Variants in SLC7A8 observed in about 807,000 individuals in gnomAD.
SLC7A8 encodes solute carrier family 7 member 8.
SLC7A8 carries 30 observed loss-of-function variants against 51.2 expected under a neutral mutation model. The ratio of observed to expected loss-of-function variants is 0.59; its 90% CI spans 0.44 to 0.80. SLC7A8 has a LOEUF of 0.80. Ranked by LOEUF, SLC7A8 falls within the 30% of genes least tolerant of loss-of-function variation. The pLI, the probability that SLC7A8 is intolerant of heterozygous loss-of-function variation, is 0.00. For synonymous variants in SLC7A8, 257 were observed against 275.8 expected (o/e 0.93, Z 0.67); for missense variants, 612 against 674.4 (o/e 0.91, Z 1.03).
At chr14:23,149,644 T>C (rs1177881364) in intron 3 of SLC7A8, among the ~76,000 whole-genome samples, 2 of 152,196 alleles carry the variant, frequency 1.3e-5, no homozygotes, top group African/African-American at 4.8e-5. Flanking sequence ...CACCGTGTAC[T>C]GTCCTGTGGT....
In SLC7A8 at chr14:23,128,372, A is replaced by T. The variant is rs753613680; in HGVS notation, c.1264-176T>A. The stretch of plus-strand genomic sequence containing the variant: ...CCCCTGGTAGGGCAGGGGCTATATA[A>T]ACAAATGTTGATGAACATGGTCGGT... On this transcript the variant is annotated intron_variant, in intron 9 of 10. Transcript: ENST00000316902. This position sits in a 1 kb window ranked among gnomAD's most constrained non-coding sequence, Gnocchi z 4.3. 1.3e-5 allele frequency: 20 copies of T among 1,530,738 alleles called. No individual in the cohort carries two copies. In the South Asian group the frequency reaches 2.4e-4, roughly 18 times the overall value. The allele number at this position is 1,530,738 out of a possible 1,614,324, so 94.8% of individuals were successfully genotyped here.
At chr14:23,159,934 C>T (rs556096672) in intron 3 of SLC7A8, among the ~76,000 whole-genome samples, 36 of 152,246 alleles carry the variant, frequency 2.4e-4, no homozygotes, top group Non-Finnish European at 4.6e-4. Flanking sequence ...ATTTCTTTCT[C>T]CTGAGGGTGA....
intron 5 of SLC7A8, among the ~76,000 whole-genome samples, chr14:23,140,021 C>A (rs983389519): frequency 6.6e-6 from 1 of 151,898 alleles, no homozygotes; most frequent in African/African-American, 2.4e-5. Flanking sequence ...CAAAACAAAA[C>A]AAAAGAAAAA....
intron 3 of SLC7A8, among the ~76,000 whole-genome samples, chr14:23,158,214 A>G (rs1308370135): frequency 6.6e-6 from 1 of 152,202 alleles, no homozygotes; most frequent in Non-Finnish European, 1.5e-5. Context: ...TTTATATAAC[A>G]TTTCCCAAGA....
intron 3 of SLC7A8, chr14:23,155,034 C>T (rs2048881198): frequency 1.8e-6 from 1 of 555,870 alleles, no homozygotes; most frequent in Non-Finnish European, 2.9e-6. Context: ...AGCAGCCCTT[C>T]CTCATAAACT....
chr14:23,136,713 C>T (rs970172635), intron 7 of SLC7A8, among the ~76,000 whole-genome samples: 1 of 152,214 alleles, frequency 6.6e-6, no homozygotes, highest in Non-Finnish European at 1.5e-5. Flanking sequence ...ACCACATGCA[C>T]GCAGACCGCT....
At position 23,165,243 on chromosome 14, in the gene SLC7A8, T is replaced by G; in HGVS notation, c.508+42A>C. 6.6e-7 allele frequency: 1 copy of G among 1,524,754 alleles called. No individual in the cohort carries two copies. The highest frequency in any genetic ancestry group is 8.8e-7 in the Non-Finnish European group (1 of 1,139,786). 94.5% of individuals were successfully genotyped at this position (1,524,754 alleles called of 1,614,324 possible). Reference sequence around the variant, plus strand: ...CTAAAAATAATAATAATAAATATAATAAAAGAGGCTGTCTTGCTACCAAGA... The same window carrying G: ...CTAAAAATAATAATAATAAATATAAGAAAAGAGGCTGTCTTGCTACCAAGA... On this transcript the variant is annotated intron_variant, in intron 3 of 10. Transcript: ENST00000316902. This position sits in a 1 kb window ranked among gnomAD's most constrained non-coding sequence, Gnocchi z 4.2.
intron 7 of SLC7A8, among the ~76,000 whole-genome samples, chr14:23,133,486 G>GT: frequency 6.7e-6 from 1 of 150,328 alleles, no homozygotes; most frequent in East Asian, 1.9e-4. Context: ...TGGAAATATC[G>GT]TAAGTGCCTA....
chr14:23,133,013 T>C (rs1449804587), intron 7 of SLC7A8, among the ~76,000 whole-genome samples: 1 of 152,156 alleles, frequency 6.6e-6, no homozygotes, highest in East Asian at 1.9e-4. Context: ...TGGGCTCTAA[T>C]GATCCTCCCA....
In SLC7A8 at chr14:23,166,533, G is replaced by A. The variant is rs150852251; in HGVS notation, c.159C>T (p.Ile53=). The stretch of plus-strand genomic sequence containing the variant: ...GCGAGACAAAGATTCCAGAGCCGAT[G>A]ATGTTCCCTGCATGAGGCACCAAGG... ...VSACGIIVGN[I]IGSGIFVSPK... The change falls in exon 2 of 11, where the codon ATC becomes ATT. Residue 53 remains isoleucine (I), a synonymous_variant. Coordinates refer to ENST00000316902, the MANE Select transcript of SLC7A8 (RefSeq NM_012244.4). The A allele has an allele frequency of 1.5e-5, 24 of 1,613,880 alleles. No individual in the cohort carries two copies. The highest frequency in any genetic ancestry group is 7.6e-6 in the Non-Finnish European group (9 of 1,179,922).
At position 23,166,327 on chromosome 14, in the gene SLC7A8, T is replaced by G. The variant is rs1465429080; in HGVS notation, c.356+9A>C. The G allele has an allele frequency of 1.2e-6, 2 of 1,612,636 alleles. No homozygotes were observed. ...CCTAGACCATTCAGGTCTCCACAGA[T>G]CCTCTTACCCAGCCAGTCCTCCGAA... On this transcript the variant is annotated intron_variant, in intron 2 of 10. Transcript: ENST00000316902.
chr14:23,155,569 C>A, intron 3 of SLC7A8: 12 of 1,104,264 alleles, frequency 1.1e-5, no homozygotes, highest in Non-Finnish European at 1.4e-5. Context: ...TGGCCTGGAT[C>A]GGGGAGAAGC....
intron 7 of SLC7A8, among the ~76,000 whole-genome samples, chr14:23,135,310 C>CA (rs1490764785): frequency 1.3e-5 from 2 of 151,006 alleles, no homozygotes; most frequent in African/African-American, 4.8e-5. Context: ...AGGCTGGTCT[C>CA]AAACTCCTGA....
At chr14:23,155,083 A>C (rs1193273985) in intron 3 of SLC7A8, 1 of 1,167,144 alleles carries the variant, frequency 8.6e-7, no homozygotes, top group South Asian at 1.3e-5. Flanking sequence ...CACAGTGGGG[A>C]GTGTGGTTTT....
intron 3 of SLC7A8, among the ~76,000 whole-genome samples, chr14:23,154,998 C>CAAAAAAAAAAA (rs33973055): frequency 4.4e-4 from 39 of 89,392 alleles, no homozygotes; most frequent in East Asian, 1.1e-3. Context: ...ACACAACAGA[C>CAAAAAAAAAAA]AAAAAAAAAA....
intron 1 of SLC7A8, among the ~76,000 whole-genome samples, chr14:23,166,821 A>G (rs1454821058): frequency 6.6e-6 from 1 of 152,228 alleles, no homozygotes; most frequent in African/African-American, 2.4e-5. Flanking sequence ...CACATTTTAC[A>G]GAGGAGGAAA....
At chr14:23,136,543 C>T (rs1294081398) in intron 7 of SLC7A8, among the ~76,000 whole-genome samples, 6 of 152,050 alleles carry the variant, frequency 3.9e-5, no homozygotes, top group African/African-American at 1.2e-4. Flanking sequence ...TACCCGAGAA[C>T]ACAAAGGAGT....
chr14:23,148,958 C>A (rs2140321497), intron 3 of SLC7A8, among the ~76,000 whole-genome samples: 1 of 152,300 alleles, frequency 6.6e-6, no homozygotes, highest in South Asian at 2.1e-4. Flanking sequence ...CAGGGACATA[C>A]CCTTAAAGAG....
chr14:23,179,154 C>T (rs1028738898), intron 1 of SLC7A8, among the ~76,000 whole-genome samples: 1 of 152,176 alleles, frequency 6.6e-6, no homozygotes, highest in Admixed American at 6.5e-5. Flanking sequence ...CAAGATGCTT[C>T]TTAATCTAGT....
Sources: gnomAD v4.1 joint callset for allele counts (sites outside exome capture counted in the v4.1 genomes callset) on GRCh38, gnomAD v4.1.1 for gene constraint, Gnocchi (gnomAD v3.1) non-coding constraint, MANE v1.5 for transcripts, NCBI Gene and HGNC (gene_info 2026-07-23, HGNC 2026-07-21) for gene names.